WDFY4: variants seen among roughly 807,000 people sequenced by gnomAD.
The protein encoded by WDFY4 is WD repeat- and FYVE domain-containing protein 4.
Under a neutral mutation model 351.9 loss-of-function variants are expected in WDFY4, and 169 were observed. That is an observed-to-expected ratio of 0.48 (90% CI 0.42 to 0.55). The LOEUF (loss-of-function observed/expected upper bound fraction) is 0.55. Ranked by LOEUF, WDFY4 falls within the 20% of genes least tolerant of loss-of-function variation. The pLI, the probability that WDFY4 is intolerant of heterozygous loss-of-function variation, is 0.00. For synonymous variants in WDFY4, 1,622 were observed against 1,574.6 expected, an observed-to-expected ratio of 1.03 and a Z score of -0.71; for missense variants, 3,803 against 3,935.6, an observed-to-expected ratio of 0.97 and a Z score of 0.90.
intron 12 of WDFY4, chr10:48,745,787 C>G: frequency 2.4e-6 from 1 of 422,222 alleles, no homozygotes; most frequent in African/African-American, 2.1e-5. Flanking sequence ...GCAGAAACAC[C>G]CATCTAGTTT....
chr10:48,785,773 C>T (rs1442565610), intron 19 of WDFY4, among the ~76,000 whole-genome samples: 2 of 152,172 alleles, frequency 1.3e-5, no homozygotes, highest in African/African-American at 4.8e-5. Context: ...GTTCCTCCCC[C>T]AAATTAATTC....
rs1333484458 is a variant in WDFY4, at chr10:48,709,860, T to C, written c.128T>C (p.Leu43Pro). The C allele has an allele frequency of 1.3e-6, 2 of 1,551,930 alleles. No individual in the cohort carries two copies. Among genetic ancestry groups the C allele is most frequent in the South Asian group, 2.4e-5 (2 of 84,068 alleles). Residue 43 changes from leucine (L) to proline (P), a missense_variant, in exon 2 of 62, where the codon CTC becomes CCC. Around this residue, in one of 3 missense-constraint regions of WDFY4, gnomAD observed 488 missense variants for 456.8 expected, o/e 1.07. Transcript: ENST00000325239. ...GGGCAGTCCTCCAGCCCCACAGCTC[T>C]CTGGGACATGCTGGAAAGGAAGTTT... ...HGGQSSSPTA[L>P]WDMLERKFLE...
At chr10:48,738,082 G>A (rs1435242973) in intron 11 of WDFY4, among the ~76,000 whole-genome samples, 1 of 152,216 alleles carries the variant, frequency 6.6e-6, no homozygotes, top group Non-Finnish European at 1.5e-5. Flanking sequence ...GGGAAGGCAT[G>A]TCCTAACCAG....
chr10:48,928,201 T>C (rs557440172), intron 47 of WDFY4, among the ~76,000 whole-genome samples: 1 of 152,274 alleles, frequency 6.6e-6, no homozygotes, highest in African/African-American at 2.4e-5. Context: ...GTAGTGGGTG[T>C]GCCCAGCCCC....
chr10:48,982,916 T>C lies in WDFY4; in HGVS notation c.*341T>C. 1 of 367,042 alleles carries C rather than the reference T, an allele frequency of 2.7e-6. No homozygotes were observed. The allele number at this position is 367,042 out of a possible 1,614,324, so 22.7% of individuals were successfully genotyped here. A position where few individuals can be genotyped will look rare whatever the true frequency, so the allele number is the denominator to read the frequency against. ...ATGGGTCGCTTACTGGAAATTATTG[T>C]ATTGTCTTTATTTTATTAAAGCAAC... On this transcript the variant is annotated 3_prime_UTR_variant, in exon 62 of 62. Coordinates refer to ENST00000325239, the MANE Select transcript of WDFY4 (RefSeq NM_001394531.1).
rs528376941 is a variant in WDFY4 at position 48,815,915 on chromosome 10, G to C, written c.5341-1330G>C. 7.2e-5 allele frequency among the ~76,000 whole-genome samples: 11 copies of C among 151,958 alleles called. No homozygotes were observed. The East Asian group carries it at 1.9e-3, about 27-fold the overall frequency. ...AGTTTTTGTTGAAAAATATTTTTCA[G>C]GTTTTGACATCAGTATTATGCTAAT... On this transcript the variant is annotated intron_variant, in intron 31 of 61. Coordinates refer to ENST00000325239, the MANE Select transcript of WDFY4 (RefSeq NM_001394531.1).
At chr10:48,881,491 A>G (rs1029845140) in intron 43 of WDFY4, among the ~76,000 whole-genome samples, 1 of 152,202 alleles carries the variant, frequency 6.6e-6, no homozygotes, top group Non-Finnish European at 1.5e-5. Flanking sequence ...GTTCCTGCAG[A>G]GTGCCAACAC....
chr10:48,956,381 C>G (rs895637544), intron 51 of WDFY4, among the ~76,000 whole-genome samples: 2 of 152,172 alleles, frequency 1.3e-5, no homozygotes, highest in Admixed American at 6.5e-5. Context: ...CCCATTCTCT[C>G]TTATCGAAGC....
At chr10:48,740,507 G>A (rs1158829941) in intron 11 of WDFY4, among the ~76,000 whole-genome samples, 1 of 152,226 alleles carries the variant, frequency 6.6e-6, no homozygotes, top group East Asian at 1.9e-4. Context: ...ACAGGGAAAG[G>A]CCTTGCCCAA....
chr10:48,701,226 G>A (rs1429197226), intron 1 of WDFY4, among the ~76,000 whole-genome samples: 1 of 152,172 alleles, frequency 6.6e-6, no homozygotes, highest in Non-Finnish European at 1.5e-5. Context: ...AATTCTCTCA[G>A]GGTTCATCCA....
chr10:48,750,284 G>A (rs761195217), intron 12 of WDFY4, among the ~76,000 whole-genome samples: 10 of 152,342 alleles, frequency 6.6e-5, no homozygotes, highest in African/African-American at 9.6e-5. Flanking sequence ...TGACCCTGTC[G>A]TTCCCACTTG....
At chr10:48,715,280 A>G (rs1389713160) in intron 2 of WDFY4, among the ~76,000 whole-genome samples, 1 of 147,684 alleles carries the variant, frequency 6.8e-6, no homozygotes, top group African/African-American at 2.4e-5. Flanking sequence ...ATCCATGAGC[A>G]AAATAAATGA....
At chr10:48,856,897 G>A (rs1475878468) in intron 39 of WDFY4, among the ~76,000 whole-genome samples, 1 of 152,178 alleles carries the variant, frequency 6.6e-6, no homozygotes, top group Non-Finnish European at 1.5e-5. Context: ...CTGGGACACT[G>A]TCAAGCTCAC....
chr10:48,890,742 T>C lies in WDFY4; in HGVS notation c.7316+15T>C. 6.4e-7 allele frequency: 1 copy of C among 1,551,244 alleles called. No homozygotes were observed. Among genetic ancestry groups the C allele is most frequent in the East Asian group, 2.4e-5 (1 of 40,918 alleles). On this transcript the variant is annotated intron_variant, in intron 44 of 61. Transcript: ENST00000325239. ...TGCTTATCCAAGTGAGTTATCCACT[T>C]CTCCCAGCAGATTCTTCCCTGAGCC...
rs1485134521 is a variant in WDFY4 at position 48,727,690 on chromosome 10, A to G, written c.971+31A>G. The G allele has an allele frequency of 6.5e-6, 10 of 1,548,992 alleles. No homozygotes were observed. In the East Asian group the frequency reaches 2.2e-4, roughly 34 times the overall value. On this transcript the variant is annotated intron_variant, in intron 7 of 61. Coordinates refer to ENST00000325239, the MANE Select transcript of WDFY4 (RefSeq NM_001394531.1). The stretch of plus-strand genomic sequence containing the variant: ...TGGCTGTGTTTGGTACGGGGAGAGC[A>G]CAGGACCACCAAAGCCTTAGTCCTC...
In WDFY4 at chr10:48,822,455, A is replaced by G; in HGVS notation, c.5900A>G (p.Lys1967Arg). ...GCCAACATCTCCTGCTTCACCCAGA[A>G]GCTGGTGGAGAAGCTGTACAGTGGG... ...SLANISCFTQ[K>R]LVEKLYSGMF... The change falls in exon 35 of 62, where the codon AAG (lysine) becomes AGG (arginine). Residue 1967 changes from lysine (K) to arginine (R), a missense_variant. Lys to Arg is a conservative substitution (Grantham distance 26). This residue lies in a region of WDFY4 where 3,054 missense variants were observed against 3,148.6 expected (regional missense o/e 0.97). Coordinates refer to ENST00000325239, the MANE Select transcript of WDFY4 (RefSeq NM_001394531.1). The G allele has an allele frequency of 1.3e-6, 2 of 1,551,268 alleles. No homozygotes were observed. The highest frequency in any genetic ancestry group is 8.7e-7 in the Non-Finnish European group (1 of 1,146,612).
At chr10:48,759,406 GTA>G (rs1423092936) in intron 12 of WDFY4, among the ~76,000 whole-genome samples, 1 of 152,086 alleles carries the variant, frequency 6.6e-6, no homozygotes, top group African/African-American at 2.4e-5. Flanking sequence ...TGTGTCACTG[GTA>G]TCTGTCTCTG....
At position 48,867,365 on chromosome 10, in the gene WDFY4, T is replaced by C. The variant is rs1395881466; in HGVS notation, c.6741+23T>C. The C allele has an allele frequency of 2.8e-6, 4 of 1,422,956 alleles. No homozygotes were observed. The African/African-American group carries it at 4.4e-5, about 16-fold the overall frequency. 88.1% of individuals were successfully genotyped at this position (1,422,956 alleles called of 1,614,324 possible). On this transcript the variant is annotated intron_variant, in intron 40 of 61. Transcript: ENST00000325239. ...CAAGTAAGAAACAAAACATAGGCTT[T>C]CTCTATACAGCAAGCTGGAATCCAC... is the stretch of plus-strand genomic sequence containing the variant.
At chr10:48,856,649 AT>A (rs2069143428) in intron 39 of WDFY4, among the ~76,000 whole-genome samples, 1 of 152,188 alleles carries the variant, frequency 6.6e-6, no homozygotes, top group African/African-American at 2.4e-5. Context: ...CTTGAACTCT[AT>A]CAGTAACATT....
Sources: gnomAD v4.1 joint callset for allele counts (sites outside exome capture counted in the v4.1 genomes callset) on GRCh38, gnomAD v4.1.1 for gene constraint, gnomAD v4.1.1 regional missense constraint, MANE v1.5 for transcripts, NCBI Gene and HGNC (gene_info 2026-07-23, HGNC 2026-07-21) for gene names.